KCNAB1: variants seen among roughly 807,000 people sequenced by gnomAD.
KCNAB1 encodes voltage-gated potassium channel subunit beta-1.
A neutral mutation model predicts 64.6 loss-of-function variants in KCNAB1; 35 were observed. That is an observed-to-expected ratio of 0.54 (90% CI 0.41 to 0.72). KCNAB1 has a LOEUF of 0.72. Among genes scored for constraint, KCNAB1 ranks in the 30% least tolerant of loss-of-function variants. KCNAB1 has a pLI of 0.00. For synonymous variants in KCNAB1, 177 were observed against 183.8 expected (o/e 0.96, Z 0.30); for missense variants, 401 against 512.9 (o/e 0.78, Z 2.11).
At chr3:156,379,905 A>G (rs1320834064) in intron 1 of KCNAB1, among the ~76,000 whole-genome samples, 1 of 152,204 alleles carries the variant, frequency 6.6e-6, no homozygotes, top group East Asian at 1.9e-4. Flanking sequence ...AAGGTAGAGT[A>G]GACGAGATTT....
chr3:156,397,482 C>T (rs1445377887), intron 1 of KCNAB1, among the ~76,000 whole-genome samples: 1 of 152,206 alleles, frequency 6.6e-6, no homozygotes, highest in Non-Finnish European at 1.5e-5. Context: ...GGAAATTAAG[C>T]TGTCTTTCTG....
At chr3:156,242,914 T>C (rs949734729) in intron 1 of KCNAB1, among the ~76,000 whole-genome samples, 1 of 151,880 alleles carries the variant, frequency 6.6e-6, no homozygotes, top group Non-Finnish European at 1.5e-5. Flanking sequence ...TTTATTTTAT[T>C]TTATTTTATT....
At chr3:156,361,252 T>C (rs1284029876) in intron 1 of KCNAB1, among the ~76,000 whole-genome samples, 1 of 152,138 alleles carries the variant, frequency 6.6e-6, no homozygotes, top group Non-Finnish European at 1.5e-5. Context: ...CACTTGCTAC[T>C]CCCTTCCTTC....
chr3:156,284,737 C>T (rs1035757217), intron 1 of KCNAB1, among the ~76,000 whole-genome samples: 3 of 152,296 alleles, frequency 2.0e-5, no homozygotes, highest in East Asian at 1.9e-4. Context: ...TTTCCAGGTG[C>T]GTCCGTCACC....
In KCNAB1 at chr3:156,395,544, C is replaced by CAA. The variant is rs61017269; in HGVS notation, c.276-26032_276-26031dup. Among the ~76,000 whole-genome samples, 29 of 25,458 alleles carry CAA rather than the reference C, an allele frequency of 1.1e-3. 5 individuals are homozygous for CAA. The highest frequency in any genetic ancestry group is 1.8e-3 in the Admixed American group (2 of 1,090). The allele number at this position is 25,458 out of a possible 152,430, so 16.7% of individuals were successfully genotyped here. A position where few individuals can be genotyped will look rare whatever the true frequency, so the allele number is the denominator to read the frequency against. On this transcript the variant is annotated intron_variant, in intron 1 of 13. Transcript: ENST00000490337. ...TGGGCGACAGAGCGAGACTCCGTCTCAAAAAAAAAAAAAAAAAAAAAAAAA... is the reference window on the plus strand; with the variant it reads ...TGGGCGACAGAGCGAGACTCCGTCTCAAAAAAAAAAAAAAAAAAAAAAAAAAA...
At chr3:156,143,491 G>A in intron 1 of KCNAB1, 3 of 1,065,272 alleles carry the variant, frequency 2.8e-6, no homozygotes, top group East Asian at 2.8e-5. Flanking sequence ...AAAGAAATAA[G>A]GACTGAAATA....
At chr3:156,276,061 A>G (rs145054962) in intron 1 of KCNAB1, among the ~76,000 whole-genome samples, 112 of 152,326 alleles carry the variant, frequency 7.4e-4, no homozygotes, top group African/African-American at 2.6e-3. Context: ...CCTAAATAAT[A>G]AGACTTGAAA....
chr3:156,423,711 A>C (rs1371561452), intron 2 of KCNAB1, among the ~76,000 whole-genome samples: 1 of 152,178 alleles, frequency 6.6e-6, no homozygotes, highest in Non-Finnish European at 1.5e-5. Flanking sequence ...GTTTTTTTAC[A>C]TAAGATGATA....
intron 1 of KCNAB1, among the ~76,000 whole-genome samples, chr3:156,197,654 C>T (rs1373673665): frequency 1.8e-4 from 28 of 152,120 alleles, no homozygotes; most frequent in Non-Finnish European, 3.7e-4. Context: ...TCCCCTTTAT[C>T]ATTTTTTATT....
At chr3:156,414,262 G>A (rs1389937524) in intron 1 of KCNAB1, among the ~76,000 whole-genome samples, 1 of 152,148 alleles carries the variant, frequency 6.6e-6, no homozygotes, top group Non-Finnish European at 1.5e-5. Flanking sequence ...CAAAGAGAAT[G>A]CCAGAGAAGG....
chr3:156,247,156 G>A (rs1311739879), intron 1 of KCNAB1, among the ~76,000 whole-genome samples: 2 of 152,154 alleles, frequency 1.3e-5, no homozygotes, highest in Non-Finnish European at 2.9e-5. Context: ...ACTGTCTGCC[G>A]ACTGGCTGGT....
At chr3:156,155,309 G>A (rs1715652813) in intron 1 of KCNAB1, among the ~76,000 whole-genome samples, 1 of 152,170 alleles carries the variant, frequency 6.6e-6, no homozygotes, top group South Asian at 2.1e-4. Context: ...ATACAGCAGT[G>A]AACACTTAGG....
At chr3:156,145,806 C>G (rs1429025801) in intron 1 of KCNAB1, among the ~76,000 whole-genome samples, 1 of 152,068 alleles carries the variant, frequency 6.6e-6, no homozygotes, top group Non-Finnish European at 1.5e-5. Flanking sequence ...GGTTTTCTTC[C>G]CACTTACTCT....
chr3:156,498,307 C>T (rs774594655), intron 8 of KCNAB1, among the ~76,000 whole-genome samples: 31 of 152,142 alleles, frequency 2.0e-4, no homozygotes, highest in East Asian at 5.8e-4. Flanking sequence ...GGTTCAGCTG[C>T]GTCCCCACCC....
intron 11 of KCNAB1, among the ~76,000 whole-genome samples, chr3:156,519,808 T>C (rs1717819637): frequency 6.6e-6 from 1 of 152,202 alleles, no homozygotes; most frequent in Non-Finnish European, 1.5e-5. Flanking sequence ...TCTAAAGGCA[T>C]GTAACCTAAG....
At position 156,459,834 on chromosome 3, in the gene KCNAB1, G is replaced by A; in HGVS notation, c.445G>A (p.Val149Met). 5.6e-6 allele frequency: 9 copies of A among 1,610,098 alleles called. No individual in the cohort carries two copies. Among genetic ancestry groups the A allele is most frequent in the Non-Finnish European group, 5.9e-6 (7 of 1,176,822 alleles). Residue 149 changes from valine to methionine, a missense_variant, in exon 5 of 14, where the codon GTG (valine) becomes ATG (methionine). Coordinates refer to ENST00000490337, the MANE Select transcript of KCNAB1 (RefSeq NM_172160.3). The part of the protein sequence containing the change: ...AEVYAAGKAE[V>M]ILGSIIKKKG... The stretch of plus-strand genomic sequence containing the variant: ...ATCTGTTTCCCCTTCCAGGGCTGAA[G>A]TGATTCTGGGGAGCATCATCAAGAA...
intron 8 of KCNAB1, among the ~76,000 whole-genome samples, chr3:156,499,873 C>T (rs1716272385): frequency 6.6e-6 from 1 of 152,144 alleles, no homozygotes; most frequent in Non-Finnish European, 1.5e-5. Context: ...CCTAGGAACC[C>T]AGCTCCCTGG....
intron 4 of KCNAB1, 121 bp downstream of exon 4, chr3:156,457,653 G>T: frequency 1.2e-6 from 1 of 818,332 alleles, no homozygotes; most frequent in South Asian, 1.5e-5. Context: ...TGGCAGCTCT[G>T]CTCTGTTCTG....
intron 11 of KCNAB1, among the ~76,000 whole-genome samples, chr3:156,517,089 C>T (rs1292115808): frequency 6.6e-6 from 1 of 152,196 alleles, no homozygotes. Context: ...TCACAAATTA[C>T]TCTCTATTGT....
Sources: gnomAD v4.1 joint callset for allele counts (sites outside exome capture counted in the v4.1 genomes callset) on GRCh38, gnomAD v4.1.1 for gene constraint, MANE v1.5 for transcripts, NCBI Gene and HGNC (gene_info 2026-07-23, HGNC 2026-07-21) for gene names.